Variants in SCN3A observed in about 807,000 individuals in gnomAD.
SCN3A encodes sodium voltage-gated channel alpha subunit 3.
SCN3A carries 60 observed loss-of-function variants against 187.6 expected under a neutral mutation model. The ratio of observed to expected loss-of-function variants is 0.32; its 90% CI spans 0.26 to 0.40. SCN3A has a LOEUF of 0.40. Ranked by LOEUF, SCN3A falls within the 10% of genes least tolerant of loss-of-function variation. The pLI is 1.00. For missense variants in SCN3A, 1,601 were observed against 2,428.2 expected, an observed-to-expected ratio of 0.66 and a Z score of 7.16; for synonymous variants, 788 against 829.2, an observed-to-expected ratio of 0.95 and a Z score of 0.85.
intron 16 of SCN3A, 97 bp downstream of exon 16, chr2:165,131,147 T>C: frequency 1.4e-6 from 1 of 713,070 alleles, no homozygotes; most frequent in African/African-American, 1.9e-5. Flanking sequence ...TTGATGTAAA[T>C]TTAAAATTAA....
rs564422563 is a variant in SCN3A at position 165,119,788 on chromosome 2, T to TA, written c.3394-4214dup. ...CCATAGCTGTGATACTACAATGATA[T>TA]AAAAAAGCAAAGAAACCTGAAATTA... On this transcript the variant is annotated intron_variant, in intron 18 of 27. Coordinates refer to ENST00000283254, the MANE Select transcript of SCN3A (RefSeq NM_006922.4). 1.0e-3 allele frequency: 154 copies of TA among 152,174 alleles called. 1 individual carries two copies. The highest frequency in any genetic ancestry group is 3.7e-3 in the African/African-American group (152 of 41,514). 9.4% of individuals were successfully genotyped at this position (152,174 alleles called of 1,614,324 possible).
At chr2:165,126,824 C>A (rs1306487246) in intron 18 of SCN3A, among the ~76,000 whole-genome samples, 1 of 152,068 alleles carries the variant, frequency 6.6e-6, no homozygotes, top group Non-Finnish European at 1.5e-5. Flanking sequence ...TCATCCTTGA[C>A]TGGGCAAAAT....
intron 2 of SCN3A, among the ~76,000 whole-genome samples, chr2:165,181,046 A>G (rs925763304): frequency 1.3e-5 from 2 of 152,206 alleles, no homozygotes; most frequent in Non-Finnish European, 2.9e-5. Context: ...AATGAAAACA[A>G]CTATATTATT....
At chr2:165,191,929 T>A (rs1691640292) in intron 1 of SCN3A, among the ~76,000 whole-genome samples, 1 of 149,106 alleles carries the variant, frequency 6.7e-6, no homozygotes. Context: ...ATTTAGTAGT[T>A]TTTTTTTTTA....
intron 2 of SCN3A, among the ~76,000 whole-genome samples, chr2:165,182,689 T>A (rs1168817685): frequency 2.6e-5 from 4 of 152,244 alleles, no homozygotes; most frequent in Non-Finnish European, 5.9e-5. Context: ...TGGAGGTTTG[T>A]AAGGCATGAT....
chr2:165,092,036 A>C lies in SCN3A; in HGVS notation c.4807+218T>G. Reference sequence around the variant, plus strand: ...ATAATGTTTATTTCCTGTCTTCTTCACCTCTTTCCCAAATCTGGTATTCCT... The same window carrying C: ...ATAATGTTTATTTCCTGTCTTCTTCCCCTCTTTCCCAAATCTGGTATTCCT... On this transcript the variant is annotated intron_variant, in intron 27 of 27. Coordinates refer to ENST00000283254, the MANE Select transcript of SCN3A (RefSeq NM_006922.4). This position sits in a 1 kb window ranked among gnomAD's most constrained non-coding sequence, Gnocchi z 4.2. 1.7e-6 allele frequency: 1 copy of C among 596,082 alleles called. No individual in the cohort carries two copies. The highest frequency in any genetic ancestry group is 2.8e-5 in the East Asian group (1 of 35,262). 36.9% of individuals were successfully genotyped at this position (596,082 alleles called of 1,614,324 possible). A position where few individuals can be genotyped will look rare whatever the true frequency, so the allele number is the denominator to read the frequency against.
At chr2:165,091,925 A>C (rs1685126948) in intron 27 of SCN3A, 5 of 383,958 alleles carry the variant, frequency 1.3e-5, no homozygotes, top group South Asian at 1.2e-4. Flanking sequence ...TTACAATACC[A>C]ACTTTATTGC....
chr2:165,175,190 T>C (rs952010700), intron 3 of SCN3A, among the ~76,000 whole-genome samples: 7 of 152,230 alleles, frequency 4.6e-5, no homozygotes, highest in Non-Finnish European at 1.0e-4. Flanking sequence ...ATATCTTCCA[T>C]AATCTATAAG....
chr2:165,118,395 C>G (rs1010607078), intron 18 of SCN3A, among the ~76,000 whole-genome samples: 6 of 152,156 alleles, frequency 3.9e-5, no homozygotes, highest in African/African-American at 9.7e-5. Context: ...GAAAGCCCCT[C>G]AAGGAATGCT....
intron 23 of SCN3A, among the ~76,000 whole-genome samples, chr2:165,096,840 T>TA (rs1270247535): frequency 6.6e-6 from 1 of 152,144 alleles, no homozygotes; most frequent in Non-Finnish European, 1.5e-5. Context: ...TTTTGACACA[T>TA]AGTAGAATCA....
chr2:165,120,316 A>G (rs951771859), intron 18 of SCN3A, among the ~76,000 whole-genome samples: 5 of 151,990 alleles, frequency 3.3e-5, no homozygotes, highest in African/African-American at 1.2e-4. Context: ...TAACACCCAA[A>G]AAAGGCCACG....
At position 165,176,426 on chromosome 2, in the gene SCN3A, C is replaced by CTTCT. The variant is rs1221795393; in HGVS notation, c.-36_-33dup. 1 of 1,613,510 alleles carries CTTCT rather than the reference C, an allele frequency of 6.2e-7. No homozygotes were observed. Among genetic ancestry groups the CTTCT allele is most frequent in the Non-Finnish European group, 8.5e-7 (1 of 1,179,840 alleles). On this transcript the variant is annotated 5_prime_UTR_variant, in exon 3 of 28. An upstream open reading frame in the 5' UTR loses its in-frame stop. Transcript: ENST00000283254. ...ATCCTGCACATTTAATTACGTGTAG[C>CTTCT]TTCTTGCATACGAATTACCTGCAAT...
intron 27 of SCN3A, among the ~76,000 whole-genome samples, chr2:165,091,667 T>C (rs748040736): frequency 2.6e-5 from 4 of 152,252 alleles, no homozygotes; most frequent in Admixed American, 6.5e-5. Context: ...AAAATATTTC[T>C]GAAATCTCTG....
chr2:165,091,293 G>C lies in SCN3A; in HGVS notation c.4860C>G (p.Phe1620Leu). 1 of 1,614,046 alleles carries C rather than the reference G, an allele frequency of 6.2e-7. No individual in the cohort carries two copies. The highest frequency in any genetic ancestry group is 8.5e-7 in the Non-Finnish European group (1 of 1,179,986). Residue 1620 changes from phenylalanine (F) to leucine (L), a missense_variant, in exon 28 of 28, where the codon TTC (phenylalanine) becomes TTG (leucine). Physicochemically the swap from Phe to Leu is conservative, Grantham distance 22. Around this residue, in one of 11 missense-constraint regions of SCN3A, gnomAD observed 320 missense variants for 623.2 expected, o/e 0.51. Coordinates refer to ENST00000283254, the MANE Select transcript of SCN3A (RefSeq NM_006922.4). ...CAATCCTGGCAAGACGGATCACTCGGAACAAGGTAGGGGACACAAAATACT... is the reference window on the plus strand; with the variant it reads ...CAATCCTGGCAAGACGGATCACTCGCAACAAGGTAGGGGACACAAAATACT... ...IEKYFVSPTL[F>L]RVIRLARIGR...
chr2:165,109,787 T>C (rs2105696577), intron 21 of SCN3A, among the ~76,000 whole-genome samples: 1 of 152,310 alleles, frequency 6.6e-6, no homozygotes, highest in East Asian at 1.9e-4. Flanking sequence ...TAATATATGA[T>C]AGATTACATA....
chr2:165,122,408 C>A (rs934974914), intron 18 of SCN3A, among the ~76,000 whole-genome samples: 1 of 151,762 alleles, frequency 6.6e-6, no homozygotes, highest in African/African-American at 2.4e-5. Flanking sequence ...TTTGGTAATA[C>A]AATTTACTTA....
chr2:165,162,854 C>T (rs1432962593), intron 7 of SCN3A, 26 bp from the exon 8 acceptor site: 24 of 1,613,300 alleles, frequency 1.5e-5, no homozygotes, highest in Non-Finnish European at 1.8e-5. Context: ...TATAGGTTAC[C>T]TGAGGAAGAG....
chr2:165,141,564 A>G (rs1220030172), intron 12 of SCN3A, among the ~76,000 whole-genome samples: 1 of 152,300 alleles, frequency 6.6e-6, no homozygotes, highest in Non-Finnish European at 1.5e-5. Flanking sequence ...AAAGTAGTTT[A>G]CTCTTTCTCT....
chr2:165,095,766 A>AT lies in SCN3A; in HGVS notation c.4294-119dup. On this transcript the variant is annotated intron_variant, in intron 24 of 27. Transcript: ENST00000283254. ...TGCTACTTTTGCCTTACCCTGAGAT[A>AT]TTGTTCTACAAAAACAATTTTTTAA... 6.9e-6 allele frequency: 4 copies of AT among 576,182 alleles called. No homozygotes were observed. The South Asian group carries it at 9.1e-5, about 13-fold the overall frequency. 35.7% of individuals were successfully genotyped at this position (576,182 alleles called of 1,614,324 possible).
Sources: allele counts gnomAD v4.1 joint callset (sites outside exome capture counted in the v4.1 genomes callset), GRCh38; gene constraint gnomAD v4.1.1; regional missense constraint gnomAD v4.1.1; non-coding constraint Gnocchi (gnomAD v3.1); transcripts MANE v1.5; gene names NCBI Gene and HGNC (gene_info 2026-07-23, HGNC 2026-07-21).